DCBLD2: variants seen among roughly 807,000 people sequenced by gnomAD.
The protein encoded by DCBLD2 is discoidin, CUB and LCCL domain-containing protein 2.
In DCBLD2, 54 loss-of-function variants were observed where a neutral mutation model predicts 86.8. The ratio of observed to expected loss-of-function variants is 0.62; its 90% CI spans 0.50 to 0.78. The LOEUF is 0.78. DCBLD2 is among the 30% of genes least tolerant of loss of function. The pLI is 0.00. For missense variants in DCBLD2, 908 were observed against 954.2 expected, an observed-to-expected ratio of 0.95 and a Z score of 0.64; for synonymous variants, 354 against 341.3, an observed-to-expected ratio of 1.04 and a Z score of -0.41.
chr3:98,882,264 C>CA (rs1307891567), intron 1 of DCBLD2, among the ~76,000 whole-genome samples: 4 of 152,034 alleles, frequency 2.6e-5, no homozygotes, highest in Non-Finnish European at 2.9e-5. Flanking sequence ...AATTAGTAGT[C>CA]ATTAAATATA....
At chr3:98,805,475 T>G (rs1941819888) in intron 13 of DCBLD2, among the ~76,000 whole-genome samples, 2 of 152,330 alleles carry the variant, frequency 1.3e-5, no homozygotes, top group African/African-American at 4.8e-5. Flanking sequence ...TAAAGGATTT[T>G]ATACACATAA....
rs1943723449 is a variant in DCBLD2, at chr3:98,894,757, A to G, written c.205+6365T>C. On this transcript the variant is annotated intron_variant, in intron 1 of 15. Transcript: ENST00000326840. Reference sequence around the variant, plus strand: ...CAGCATGAAGTGCATGCCGGTGCCAAGGGATGAACCAAATAATGTGCTCAG... The same window carrying G: ...CAGCATGAAGTGCATGCCGGTGCCAGGGGATGAACCAAATAATGTGCTCAG... 2.6e-5 allele frequency among the ~76,000 whole-genome samples: 4 copies of G among 152,212 alleles called. No homozygotes were observed. The South Asian group carries it at 8.3e-4, about 32-fold the overall frequency.
chr3:98,868,461 TA>T (rs1043791233), intron 2 of DCBLD2, among the ~76,000 whole-genome samples: 6 of 152,128 alleles, frequency 3.9e-5, no homozygotes, highest in African/African-American at 1.5e-4. Context: ...TTTATTTATA[TA>T]TTTTTTTAAT....
At position 98,881,578 on chromosome 3, in the gene DCBLD2, C is replaced by A; in HGVS notation, c.395G>T (p.Arg132Ile). 1 of 1,613,894 alleles carries A rather than the reference C, an allele frequency of 6.2e-7. No homozygotes were observed. Among genetic ancestry groups the A allele is most frequent in the Non-Finnish European group, 8.5e-7 (1 of 1,179,868 alleles). The change falls in exon 2 of 16, where the codon AGA (arginine) becomes ATA (isoleucine). Residue 132 changes from arginine (R) to isoleucine (I), a missense_variant. Physicochemically the swap from Arg to Ile is moderately conservative, Grantham distance 97. Around this residue, in one of 3 missense-constraint regions of DCBLD2, gnomAD observed 294 missense variants for 256.0 expected, o/e 1.15. Coordinates refer to ENST00000326840, the MANE Select transcript of DCBLD2 (RefSeq NM_080927.4). ...DSDSCHFNYLRIYNGIGVSRT... is the reference protein window; with the variant it reads ...DSDSCHFNYLIIYNGIGVSRT... ...GCTGACTCCAATTCCATTATAAATT[C>A]TCAAGTAATTAAAGTGACAAGAATC... is the stretch of plus-strand genomic sequence containing the variant.
intron 1 of DCBLD2, among the ~76,000 whole-genome samples, chr3:98,898,991 C>T (rs1943798350): frequency 6.6e-6 from 1 of 151,668 alleles, no homozygotes. Context: ...GATAGGTATG[C>T]ATGCTCACCT....
At chr3:98,805,727 C>T (rs1450702752) in intron 13 of DCBLD2, among the ~76,000 whole-genome samples, 1 of 152,156 alleles carries the variant, frequency 6.6e-6, no homozygotes, top group Non-Finnish European at 1.5e-5. Context: ...GGTGTGTGGT[C>T]GAATTGCCTC....
intron 2 of DCBLD2, among the ~76,000 whole-genome samples, chr3:98,866,388 T>A (rs1326452073): frequency 2.0e-5 from 3 of 152,346 alleles, no homozygotes; most frequent in Admixed American, 6.5e-5. Context: ...CCTGACTTTT[T>A]AATGATCACC....
At position 98,895,836 on chromosome 3, in the gene DCBLD2, C is replaced by T. The variant is rs977663059; in HGVS notation, c.205+5286G>A. On this transcript the variant is annotated intron_variant, in intron 1 of 15. Coordinates refer to ENST00000326840, the MANE Select transcript of DCBLD2 (RefSeq NM_080927.4). ...CTGAAGACAATAACAATGTTTTACT[C>T]TTCTCTGAATGTCTCAGGACTATAC... 2.0e-5 allele frequency among the ~76,000 whole-genome samples: 3 copies of T among 152,298 alleles called. No individual in the cohort carries two copies. In the East Asian group the frequency reaches 5.8e-4, roughly 29 times the overall value.
intron 3 of DCBLD2, among the ~76,000 whole-genome samples, chr3:98,844,048 AC>A (rs1236959102): frequency 2.2e-4 from 34 of 151,560 alleles, no homozygotes; most frequent in African/African-American, 7.8e-4. Flanking sequence ...ACACACACAC[AC>A]ACACACACAC....
chr3:98,810,467 CTT>C (rs1941919530), intron 12 of DCBLD2, among the ~76,000 whole-genome samples: 1 of 152,164 alleles, frequency 6.6e-6, no homozygotes, highest in Admixed American at 6.5e-5. Context: ...GGATGAACGG[CTT>C]TCTCTCTCTG....
At chr3:98,876,869 G>A (rs1315626798) in intron 2 of DCBLD2, among the ~76,000 whole-genome samples, 5 of 152,170 alleles carry the variant, frequency 3.3e-5, no homozygotes, top group African/African-American at 9.7e-5. Context: ...GATGCACAGT[G>A]ATTTCCAGAA....
intron 2 of DCBLD2, among the ~76,000 whole-genome samples, chr3:98,867,302 T>C (rs576958582): frequency 8.8e-4 from 134 of 152,340 alleles, no homozygotes; most frequent in African/African-American, 2.9e-3. Flanking sequence ...TTGGGCAGTA[T>C]AGCCATTTTC....
intron 4 of DCBLD2, 116 bp downstream of exon 4, chr3:98,825,199 G>T: frequency 2.8e-6 from 2 of 702,956 alleles, no homozygotes; most frequent in Non-Finnish European, 4.3e-6. Flanking sequence ...TCGGAACAAT[G>T]ATATGTATCA....
At chr3:98,801,843 A>G in intron 13 of DCBLD2, 194 bp from the exon 14 acceptor site, 1 of 469,016 alleles carries the variant, frequency 2.1e-6, no homozygotes, top group Non-Finnish European at 3.8e-6. Flanking sequence ...GCTGAGAATG[A>G]TGGTTTCCAG....
In DCBLD2 at chr3:98,901,456, G is replaced by A. The variant is rs13091170; in HGVS notation, c.-130C>T. On this transcript the variant is annotated 5_prime_UTR_variant, in exon 1 of 16. Transcript: ENST00000326840. ...AGAGGCAGCCCTCGCCTCACCCCGC[G>A]CCGGGACCCTTCCGCCCCTCACCCC... 63,855 of 935,060 alleles carry A rather than the reference G, an allele frequency of 0.068. 2,423 individuals are homozygous for A. The highest frequency in any genetic ancestry group is 0.075 in the Non-Finnish European group (54,076 of 718,362). 57.9% of individuals were successfully genotyped at this position (935,060 alleles called of 1,614,324 possible).
intron 3 of DCBLD2, among the ~76,000 whole-genome samples, chr3:98,828,897 A>C (rs1355743412): frequency 6.6e-6 from 1 of 152,216 alleles, no homozygotes; most frequent in East Asian, 1.9e-4. Flanking sequence ...TAAGTGAAAG[A>C]AGCTAGTCAC....
intron 9 of DCBLD2, chr3:98,814,461 T>C (rs976346986): frequency 2.9e-4 from 44 of 152,192 alleles, no homozygotes; most frequent in African/African-American, 8.7e-4. Context: ...AGAATCCTCA[T>C]GTACAGAGAA....
At chr3:98,886,078 G>C (rs1425712972) in intron 1 of DCBLD2, among the ~76,000 whole-genome samples, 3 of 151,784 alleles carry the variant, frequency 2.0e-5, no homozygotes, top group Non-Finnish European at 4.4e-5. Context: ...GGTTCCATTT[G>C]GCCCAAAGGG....
At chr3:98,823,944 C>T (rs1370232150) in intron 4 of DCBLD2, among the ~76,000 whole-genome samples, 5 of 152,092 alleles carry the variant, frequency 3.3e-5, no homozygotes, top group Non-Finnish European at 7.4e-5. Context: ...AGTGAAGCCT[C>T]AGCAGTGAGC....
Sources: gnomAD v4.1 joint callset for allele counts (sites outside exome capture counted in the v4.1 genomes callset) on GRCh38, gnomAD v4.1.1 for gene constraint, gnomAD v4.1.1 regional missense constraint, MANE v1.5 for transcripts, NCBI Gene and HGNC (gene_info 2026-07-23, HGNC 2026-07-21) for gene names.